Variants in MAP2K4 observed in about 807,000 individuals in gnomAD.
The protein encoded by MAP2K4 is dual specificity mitogen-activated protein kinase kinase 4.
In MAP2K4, 4 loss-of-function variants were observed where a neutral mutation model predicts 48.5. The observed-to-expected ratio is 0.08, with a 90% confidence interval of 0.04 to 0.19. The LOEUF is 0.19. MAP2K4 is among the 10% of genes least tolerant of loss of function. The probability of loss-of-function intolerance (pLI) is 1.00; values close to 1 mark genes in which losing one functional copy is unlikely to be tolerated. For missense variants in MAP2K4, 258 were observed against 493.3 expected (o/e 0.52, Z 4.52); for synonymous variants, 166 against 173.1 (o/e 0.96, Z 0.32).
chr17:12,046,894 C>G (rs1969980996), intron 1 of MAP2K4, among the ~76,000 whole-genome samples: 1 of 151,948 alleles, frequency 6.6e-6, no homozygotes, highest in Non-Finnish European at 1.5e-5. Context: ...AGCCTTCCAA[C>G]TCTCCCTGAA....
At chr17:12,110,246 C>A (rs1006108537) in intron 5 of MAP2K4, 129 bp from the exon 6 acceptor site, 6 of 679,458 alleles carry the variant, frequency 8.8e-6, no homozygotes, top group Non-Finnish European at 1.5e-5. Context: ...CAAGAAATGA[C>A]AAAATATTGA....
chr17:12,065,306 T>TG (rs1301597400), intron 2 of MAP2K4, among the ~76,000 whole-genome samples: 4 of 138,514 alleles, frequency 2.9e-5, no homozygotes, highest in Non-Finnish European at 3.2e-5. Context: ...GTTTGTTGTT[T>TG]TTTTTTTTTT....
At chr17:12,051,681 A>G (rs766294230) in intron 1 of MAP2K4, among the ~76,000 whole-genome samples, 1 of 152,210 alleles carries the variant, frequency 6.6e-6, no homozygotes, top group Non-Finnish European at 1.5e-5. Context: ...CATTTATAGT[A>G]TCACGTCCCT....
chr17:12,027,060 T>G (rs375927508), intron 1 of MAP2K4: 9 of 152,368 alleles, frequency 5.9e-5, no homozygotes, highest in African/African-American at 1.9e-4. Flanking sequence ...ATTTGTAATC[T>G]GGGCAAATTA....
At chr17:12,127,180 A>G (rs1972881001) in intron 8 of MAP2K4, among the ~76,000 whole-genome samples, 1 of 152,110 alleles carries the variant, frequency 6.6e-6, no homozygotes, top group African/African-American at 2.4e-5. Context: ...TCTGCAGAGG[A>G]CTTTGATTTA....
rs368890308 is a variant in MAP2K4, at chr17:12,029,430, A to G, written c.115+8429A>G. Among the ~76,000 whole-genome samples, 4 of 152,314 alleles carry G rather than the reference A, an allele frequency of 2.6e-5. No individual in the cohort carries two copies. In the East Asian group the frequency reaches 7.7e-4, roughly 29 times the overall value. ...ATGAAAAAGACTCAAATTTACCCCT[A>G]CTTGTAATGGGGAAAATATAAATGG... On this transcript the variant is annotated intron_variant, in intron 1 of 10. Transcript: ENST00000353533.
At chr17:12,098,936 G>GT (rs760341926) in intron 4 of MAP2K4, among the ~76,000 whole-genome samples, 43 of 152,164 alleles carry the variant, frequency 2.8e-4, no homozygotes, top group Non-Finnish European at 5.4e-4. Flanking sequence ...TACAAGTGCA[G>GT]TTTTTTTATA....
intron 9 of MAP2K4, among the ~76,000 whole-genome samples, chr17:12,131,030 T>G (rs1973005945): frequency 6.6e-6 from 1 of 152,202 alleles, no homozygotes; most frequent in Admixed American, 6.5e-5. Flanking sequence ...TATAATGGTT[T>G]TTAGTCCTCC....
Position 12,142,464 on chromosome 17 carries a change from T to A in MAP2K4, c.*1204T>A, listed in dbSNP as rs570995174. On this transcript the variant is annotated 3_prime_UTR_variant, in exon 11 of 11. Coordinates refer to ENST00000353533, the MANE Select transcript of MAP2K4 (RefSeq NM_003010.4). ...AAAAAACCTTTACAGTTAGCAGGGA[T>A]GTTCCTTACCAAGGATTTTTAGCCC... The A allele has an allele frequency of 1.7e-5, 4 of 233,046 alleles. No homozygotes were observed. In the South Asian group the frequency reaches 7.2e-4, roughly 42 times the overall value. 14.4% of individuals were successfully genotyped at this position (233,046 alleles called of 1,614,324 possible).
At chr17:12,064,601 T>C (rs1970555207) in intron 2 of MAP2K4, among the ~76,000 whole-genome samples, 1 of 152,234 alleles carries the variant, frequency 6.6e-6, no homozygotes, top group Non-Finnish European at 1.5e-5. Context: ...GTAAGCAGAA[T>C]TCTCCTATAT....
intron 1 of MAP2K4, among the ~76,000 whole-genome samples, chr17:12,041,364 T>C (rs1597403441): frequency 6.6e-6 from 1 of 152,234 alleles, no homozygotes; most frequent in African/African-American, 2.4e-5. Context: ...TGTAGTGACA[T>C]AGTTGGATTT....
intron 1 of MAP2K4, among the ~76,000 whole-genome samples, chr17:12,037,405 A>G (rs1969635128): frequency 1.3e-5 from 2 of 152,178 alleles, no homozygotes; most frequent in African/African-American, 4.8e-5. Flanking sequence ...AAAACAGGAA[A>G]AGCAAGGAGC....
At chr17:12,043,757 T>G (rs28918094) in intron 1 of MAP2K4, among the ~76,000 whole-genome samples, 36,890 of 152,008 alleles carry the variant, frequency 0.24, 5,208 homozygotes, top group Middle Eastern at 0.35. Flanking sequence ...TCTGTGACCT[T>G]TCCGTGCACA....
At chr17:12,120,534 T>TCCCC (rs33918738) in intron 7 of MAP2K4, among the ~76,000 whole-genome samples, 1 of 137,208 alleles carries the variant, frequency 7.3e-6, no homozygotes, top group African/African-American at 2.6e-5. Flanking sequence ...GCTCCCTCAT[T>TCCCC]CCCCCCCCCA....
At chr17:12,042,002 G>A (rs754190333) in intron 1 of MAP2K4, among the ~76,000 whole-genome samples, 7 of 151,808 alleles carry the variant, frequency 4.6e-5, no homozygotes, top group Non-Finnish European at 1.0e-4. Context: ...CCAACATGGC[G>A]AAACCCCGTC....
At chr17:12,076,682 T>G (rs945951011) in intron 2 of MAP2K4, among the ~76,000 whole-genome samples, 43 of 151,038 alleles carry the variant, frequency 2.8e-4, no homozygotes, top group Admixed American at 7.3e-4. Flanking sequence ...CATTCATATT[T>G]CACTTCTTTT....
At chr17:12,067,406 T>C (rs1046147240) in intron 2 of MAP2K4, among the ~76,000 whole-genome samples, 3 of 152,136 alleles carry the variant, frequency 2.0e-5, no homozygotes, top group Non-Finnish European at 4.4e-5. Flanking sequence ...GAAAATTCTT[T>C]GTTGTGGGAG....
At chr17:12,038,896 G>A (rs926778568) in intron 1 of MAP2K4, among the ~76,000 whole-genome samples, 2 of 152,090 alleles carry the variant, frequency 1.3e-5, no homozygotes, top group Non-Finnish European at 2.9e-5. Context: ...AGCAGTTGGC[G>A]CTTATAGGAA....
chr17:12,103,101 A>G (rs1024664221), intron 4 of MAP2K4, among the ~76,000 whole-genome samples: 1 of 150,442 alleles, frequency 6.6e-6, no homozygotes, highest in African/African-American at 2.4e-5. Context: ...GTGCAGTGGC[A>G]TCATCCTAGC....
Sources: gnomAD v4.1 joint callset for allele counts (sites outside exome capture counted in the v4.1 genomes callset) on GRCh38, gnomAD v4.1.1 for gene constraint, MANE v1.5 for transcripts, NCBI Gene and HGNC (gene_info 2026-07-23, HGNC 2026-07-21) for gene names.